The following ARSG variants were observed in gnomAD, a reference collection of about 807,000 sequenced individuals.
The protein encoded by ARSG is arylsulfatase G, also known as ASG.
A neutral mutation model predicts 50.5 loss-of-function variants in ARSG; 37 were observed. The observed-to-expected ratio is 0.73, with a 90% confidence interval of 0.56 to 0.96. The LOEUF is 0.96. Among genes scored for constraint, ARSG ranks in the 50% least tolerant of loss-of-function variants. The pLI is 0.00. For synonymous variants in ARSG, 225 were observed against 254.6 expected (o/e 0.88, Z 1.11); for missense variants, 629 against 675.3 (o/e 0.93, Z 0.76).
intron 2 of ARSG, among the ~76,000 whole-genome samples, chr17:68,318,223 AT>A (rs1219406881): frequency 6.6e-6 from 1 of 152,226 alleles, no homozygotes; most frequent in Non-Finnish European, 1.5e-5. Context: ...TGTTGGCATC[AT>A]TTCCAGCTCT....
chr17:68,343,398 C>T (rs1448428703), intron 2 of ARSG, among the ~76,000 whole-genome samples: 1 of 152,170 alleles, frequency 6.6e-6, no homozygotes, highest in Non-Finnish European at 1.5e-5. Context: ...CTCAGGTGAT[C>T]CTCCCACCTC....
chr17:68,310,636 A>G (rs782601981), intron 2 of ARSG, among the ~76,000 whole-genome samples: 8 of 152,178 alleles, frequency 5.3e-5, no homozygotes, highest in Non-Finnish European at 5.9e-5. Context: ...AAACTCCTCC[A>G]TGTGGTTCGG....
intron 1 of ARSG, among the ~76,000 whole-genome samples, chr17:68,297,623 T>A (rs1179158478): frequency 3.3e-5 from 5 of 152,178 alleles, no homozygotes; most frequent in Admixed American, 1.3e-4. Flanking sequence ...TATCTTTTTT[T>A]AAAATTAAAA....
chr17:68,346,910 C>A (rs1273178443), intron 3 of ARSG: 5 of 1,480,256 alleles, frequency 3.4e-6, no homozygotes, highest in Non-Finnish European at 4.5e-6. Context: ...TGTGGTTTCC[C>A]GTGTGAGTCT....
intron 11 of ARSG, among the ~76,000 whole-genome samples, chr17:68,413,411 G>A (rs568611146): frequency 6.2e-4 from 95 of 152,110 alleles, no homozygotes; most frequent in East Asian, 3.3e-3. Flanking sequence ...CTGCTGGGGG[G>A]TGCCTCCCAG....
At chr17:68,428,228 G>A in the ARSG span, 1 of 135,968 alleles carries the variant, frequency 7.4e-6, no homozygotes, top group African/African-American at 2.7e-5. Flanking sequence ...CAGGGAATAG[G>A]TTTTTTTTTT....
chr17:68,444,488 C>T, the ARSG span: 1 of 1,610,588 alleles, frequency 6.2e-7, no homozygotes, highest in Non-Finnish European at 8.5e-7. Flanking sequence ...ATTTTTGGAG[C>T]TCACCTGTTG....
chr17:68,411,204 A>C (rs1308222692), intron 11 of ARSG, among the ~76,000 whole-genome samples: 2 of 151,980 alleles, frequency 1.3e-5, no homozygotes, highest in Non-Finnish European at 2.9e-5. Context: ...TGGTTCTTTT[A>C]ATTGTGATGT....
chr17:68,374,603 G>A (rs1402177062), intron 8 of ARSG, among the ~76,000 whole-genome samples: 3 of 152,114 alleles, frequency 2.0e-5, no homozygotes, highest in Non-Finnish European at 4.4e-5. Flanking sequence ...TGTAGTCCTA[G>A]CACTTTGGGA....
intron 1 of ARSG, among the ~76,000 whole-genome samples, chr17:68,277,856 T>C (rs1246388239): frequency 6.6e-6 from 1 of 152,220 alleles, no homozygotes; most frequent in African/African-American, 2.4e-5. Context: ...GTTTAATACA[T>C]GTGTGTTAAA....
chr17:68,340,475 G>A (rs1371542227), intron 2 of ARSG, among the ~76,000 whole-genome samples: 1 of 151,970 alleles, frequency 6.6e-6, no homozygotes, highest in African/African-American at 2.4e-5. Context: ...TAGTAGAGAC[G>A]GAGTTTCGCC....
the ARSG span, among the ~76,000 whole-genome samples, chr17:68,449,048 C>A: frequency 6.6e-6 from 1 of 152,172 alleles, no homozygotes; most frequent in Non-Finnish European, 1.5e-5. Context: ...TCCCTTCCTT[C>A]TCATAAATTT....
chr17:68,261,561 G>A (rs1238806376), intron 1 of ARSG, among the ~76,000 whole-genome samples: 1 of 152,016 alleles, frequency 6.6e-6, no homozygotes, highest in Non-Finnish European at 1.5e-5. Flanking sequence ...TGTAGTTTTT[G>A]TAGAGAGGGG....
At chr17:68,314,102 A>C (rs1555767708) in intron 2 of ARSG, among the ~76,000 whole-genome samples, 1 of 152,206 alleles carries the variant, frequency 6.6e-6, no homozygotes, top group Non-Finnish European at 1.5e-5. Context: ...GTTTGAGCTC[A>C]AATCCCAGCT....
chr17:68,410,320 T>A, intron 11 of ARSG, among the ~76,000 whole-genome samples: 1 of 141,514 alleles, frequency 7.1e-6, no homozygotes, highest in African/African-American at 2.6e-5. Context: ...TTATTGAGAG[T>A]TTTTAGCATG....
intron 2 of ARSG, among the ~76,000 whole-genome samples, chr17:68,316,162 T>C (rs1259300521): frequency 6.6e-6 from 1 of 152,202 alleles, no homozygotes; most frequent in East Asian, 1.9e-4. Context: ...TGTTGCCTCT[T>C]ATTGGCGAGG....
At chr17:68,451,289 C>G in the ARSG span, among the ~76,000 whole-genome samples, 1 of 152,158 alleles carries the variant, frequency 6.6e-6, no homozygotes, top group African/African-American at 2.4e-5. Flanking sequence ...TAAAAATTAG[C>G]CAGGTATGGT....
intron 1 of ARSG, among the ~76,000 whole-genome samples, chr17:68,280,369 A>G (rs1418762705): frequency 6.6e-6 from 1 of 152,156 alleles, no homozygotes; most frequent in African/African-American, 2.4e-5. Context: ...TGGAGGCATC[A>G]CACTAACAGA....
At chr17:68,448,205 A>G in the ARSG span, 1 of 152,342 alleles carries the variant, frequency 6.6e-6, no homozygotes, top group African/African-American at 2.4e-5. Flanking sequence ...CAGAATCCCT[A>G]CCTGGCAAGA....
Sources: gnomAD v4.1 joint callset for allele counts (sites outside exome capture counted in the v4.1 genomes callset) on GRCh38, gnomAD v4.1.1 for gene constraint, MANE v1.5 for transcripts, NCBI Gene and HGNC (gene_info 2026-07-23, HGNC 2026-07-21) for gene names.